Variants in MTNAP1 observed in about 807,000 individuals in gnomAD.
The protein encoded by MTNAP1 is mitochondrial nucleoid associated protein 1.
the MTNAP1 span, among the ~76,000 whole-genome samples, chr17:73,238,450 A>G: frequency 3.7e-4 from 57 of 152,348 alleles, no homozygotes; most frequent in Middle Eastern, 0.01. Context: ...AAATGATCTC[A>G]TATTCACTAA....
the MTNAP1 span, among the ~76,000 whole-genome samples, chr17:73,243,770 T>G: frequency 6.6e-6 from 1 of 152,062 alleles, no homozygotes; most frequent in Non-Finnish European, 1.5e-5. Flanking sequence ...CCTGACCTCA[T>G]GATTCTCCTG....
At chr17:73,232,659 T>G in the MTNAP1 span, 35 of 210,934 alleles carry the variant, frequency 1.7e-4, no homozygotes, top group East Asian at 3.1e-4. Context: ...GGCAGGGGCC[T>G]GGGGGGCTTC....
At chr17:73,237,503 C>G in the MTNAP1 span, among the ~76,000 whole-genome samples, 1 of 152,120 alleles carries the variant, frequency 6.6e-6, no homozygotes, top group African/African-American at 2.4e-5. Flanking sequence ...GTTTATCCCT[C>G]TCTTTTTCTC....
chr17:73,239,712 G>A, the MTNAP1 span, among the ~76,000 whole-genome samples: 988 of 151,770 alleles, frequency 6.5e-3, 17 homozygotes, highest in African/African-American at 0.023. Flanking sequence ...GTAGAGATGG[G>A]GTTTTGCCAT....
chr17:73,235,518 T>C, the MTNAP1 span: 1 of 1,613,842 alleles, frequency 6.2e-7, no homozygotes, highest in East Asian at 2.2e-5. Flanking sequence ...AAGTGTGTCC[T>C]TACTGTAAGA....
At chr17:73,236,627 C>T in the MTNAP1 span, 20 of 1,614,186 alleles carry the variant, frequency 1.2e-5, no homozygotes, top group South Asian at 1.5e-4. Flanking sequence ...CTAGCTACAA[C>T]ATTTCTTCAA....
chr17:73,240,056 AT>A, the MTNAP1 span, among the ~76,000 whole-genome samples: 1 of 152,248 alleles, frequency 6.6e-6, no homozygotes, highest in Non-Finnish European at 1.5e-5. Flanking sequence ...ACCTTGTTTG[AT>A]ATGTTATTGA....
the MTNAP1 span, chr17:73,245,472 T>C: frequency 1.8e-6 from 2 of 1,106,732 alleles, no homozygotes; most frequent in Non-Finnish European, 2.2e-6. Flanking sequence ...AAAGTTGTTA[T>C]TCAAGGAGAT....
chr17:73,240,974 C>A, the MTNAP1 span, among the ~76,000 whole-genome samples: 1 of 152,104 alleles, frequency 6.6e-6, no homozygotes, highest in East Asian at 1.9e-4. Context: ...CTTTAATGAT[C>A]ATTTGGATAT....
At chr17:73,245,505 C>T in the MTNAP1 span, 523,495 of 984,986 alleles carry the variant, frequency 0.53, 139,339 homozygotes, top group East Asian at 0.62. Flanking sequence ...AAGTTCATCA[C>T]TAAAATTAAG....
the MTNAP1 span, chr17:73,248,447 T>G: frequency 4.6e-6 from 7 of 1,526,246 alleles, no homozygotes; most frequent in Non-Finnish European, 6.2e-6. Flanking sequence ...AGTCGTGTTC[T>G]GCCCTGTCTG....
At chr17:73,237,042 C>G in the MTNAP1 span, 3 of 1,474,610 alleles carry the variant, frequency 2.0e-6, no homozygotes, top group Admixed American at 2.3e-5. Context: ...CCAAAATGCT[C>G]TCTCTGCCTT....
the MTNAP1 span, chr17:73,245,842 T>G: frequency 8.6e-6 from 4 of 466,926 alleles, no homozygotes; most frequent in Non-Finnish European, 8.4e-6. Flanking sequence ...AATGAACCGG[T>G]GGCTAATGTA....
chr17:73,234,208 A>T, the MTNAP1 span, among the ~76,000 whole-genome samples: 1 of 152,196 alleles, frequency 6.6e-6, no homozygotes, highest in East Asian at 1.9e-4. Flanking sequence ...CTGGAACTTT[A>T]TAGAAAGAAT....
At chr17:73,245,069 T>G in the MTNAP1 span, 1 of 1,177,710 alleles carries the variant, frequency 8.5e-7, no homozygotes, top group Non-Finnish European at 1.2e-6. Flanking sequence ...ATTTCTAAAC[T>G]TATAAAACAA....
the MTNAP1 span, chr17:73,232,856 C>T: frequency 6.6e-6 from 1 of 152,512 alleles, no homozygotes; most frequent in Non-Finnish European, 1.5e-5. Context: ...TTCCTGGAAC[C>T]GCAGGAGGAA....
the MTNAP1 span, chr17:73,242,315 TTC>T: frequency 6.2e-7 from 1 of 1,605,076 alleles, no homozygotes; most frequent in Non-Finnish European, 8.5e-7. Context: ...AACCTCCAAC[TTC>T]TCTCTAATGA....
the MTNAP1 span, chr17:73,232,589 C>T: frequency 2.7e-6 from 1 of 368,754 alleles, no homozygotes; most frequent in Admixed American, 4.6e-5. Context: ...TATTTTAAAA[C>T]AGGCGGACCT....
chr17:73,239,267 T>TC, the MTNAP1 span, among the ~76,000 whole-genome samples: 2 of 151,902 alleles, frequency 1.3e-5, no homozygotes, highest in Non-Finnish European at 2.9e-5. Flanking sequence ...ATGCACACAC[T>TC]CCCCCCATGA....
Sources: gnomAD v4.1 joint callset for allele counts (sites outside exome capture counted in the v4.1 genomes callset) on GRCh38, gnomAD v4.1.1 for gene constraint, MANE v1.5 for transcripts, NCBI Gene and HGNC (gene_info 2026-07-23, HGNC 2026-07-21) for gene names.